Variants in EMSY observed in about 807,000 individuals in gnomAD.
EMSY encodes EMSY transcriptional repressor, BRCA2 interacting, also known as BRCA2-interacting transcriptional repressor EMSY.
Under a neutral mutation model 134.6 loss-of-function variants are expected in EMSY, and 26 were observed. That is an observed-to-expected ratio of 0.19 (90% CI 0.14 to 0.27). EMSY has a LOEUF of 0.27. EMSY is among the 10% of genes least tolerant of loss of function. The pLI, the probability that EMSY is intolerant of heterozygous loss-of-function variation, is 1.00. For missense variants in EMSY, 1,305 were observed against 1,611.4 expected (o/e 0.81, Z 3.26); for synonymous variants, 579 against 577.8 (o/e 1.00, Z -0.03).
intron 13 of EMSY, among the ~76,000 whole-genome samples, chr11:76,527,636 A>G (rs1175081201): frequency 3.9e-5 from 6 of 152,104 alleles, no homozygotes; most frequent in Non-Finnish European, 5.9e-5. Flanking sequence ...AACTTTTGCC[A>G]GGAGCTGATC....
intron 16 of EMSY, among the ~76,000 whole-genome samples, chr11:76,538,960 A>C (rs1417353963): frequency 6.6e-6 from 1 of 152,212 alleles, no homozygotes; most frequent in African/African-American, 2.4e-5. Context: ...TCTGTCTCAA[A>C]ATAAAAACAA....
chr11:76,449,934 G>A (rs1318441239), intron 2 of EMSY, among the ~76,000 whole-genome samples: 1 of 151,770 alleles, frequency 6.6e-6, no homozygotes, highest in Non-Finnish European at 1.5e-5. Flanking sequence ...GACTATCCAA[G>A]TACAGACATA....
intron 9 of EMSY, among the ~76,000 whole-genome samples, chr11:76,499,477 CG>C (rs1361292996): frequency 6.6e-6 from 1 of 151,198 alleles, no homozygotes; most frequent in African/African-American, 2.4e-5. Flanking sequence ...TTAGTAGAGA[CG>C]GGGTTTCACC....
At chr11:76,458,484 G>A in intron 5 of EMSY, 126 bp downstream of exon 6, 5 of 980,282 alleles carry the variant, frequency 5.1e-6, no homozygotes, top group Non-Finnish European at 4.1e-6. Flanking sequence ...AAACATAGTA[G>A]GAAACTCTAA....
chr11:76,512,734 A>C (rs1301582082), intron 9 of EMSY, among the ~76,000 whole-genome samples: 8 of 151,602 alleles, frequency 5.3e-5, no homozygotes, highest in African/African-American at 1.2e-4. Context: ...AAAAAAAAAA[A>C]AACCATAAAT....
At chr11:76,496,895 A>AT in intron 9 of EMSY, 1 of 297,872 alleles carries the variant, frequency 3.4e-6, no homozygotes, top group Non-Finnish European at 6.4e-6. Flanking sequence ...TTGGTGTTTT[A>AT]TTTTATTGTC....
chr11:76,452,362 G>A (rs1947704867), intron 3 of EMSY, among the ~76,000 whole-genome samples: 15 of 152,136 alleles, frequency 9.9e-5, no homozygotes, highest in Admixed American at 9.8e-4. Context: ...ACATAAATGG[G>A]TAGTGATTAT....
At chr11:76,546,387 A>C in intron 20 of EMSY, 90 bp downstream of exon 21, 2 of 1,468,012 alleles carry the variant, frequency 1.4e-6, no homozygotes, top group Admixed American at 2.2e-5. Context: ...AGGAAGAATC[A>C]AGCCAAGACA....
chr11:76,523,094 A>C (rs912155399), intron 11 of EMSY, 61 bp from the exon 13 acceptor site: 1 of 1,512,826 alleles, frequency 6.6e-7, no homozygotes, highest in South Asian at 1.3e-5. Flanking sequence ...TAATATAAAC[A>C]AAAATAACCA....
At chr11:76,448,165 G>C (rs1947499523) in intron 2 of EMSY, among the ~76,000 whole-genome samples, 1 of 152,176 alleles carries the variant, frequency 6.6e-6, no homozygotes, top group African/African-American at 2.4e-5. Flanking sequence ...ATCTTTGTTG[G>C]GAATTTTTCT....
intron 9 of EMSY, among the ~76,000 whole-genome samples, chr11:76,497,707 A>G (rs1949709476): frequency 6.6e-6 from 1 of 151,726 alleles, no homozygotes; most frequent in African/African-American, 2.4e-5. Context: ...TTCATTTCTG[A>G]TATTGGTGGT....
chr11:76,544,315 G>A (rs2136750896), exon 19 of EMSY: 1 of 1,614,140 alleles, frequency 6.2e-7, no homozygotes, highest in Non-Finnish European at 8.5e-7. Flanking sequence ...GAACTGAGGA[G>A]GGCGAGGTTG....
intron 3 of EMSY, among the ~76,000 whole-genome samples, chr11:76,452,292 G>A (rs986922757): frequency 6.6e-6 from 1 of 152,218 alleles, no homozygotes; most frequent in African/African-American, 2.4e-5. Context: ...AACTGGATGT[G>A]ATGATCTAGA....
intron 9 of EMSY, among the ~76,000 whole-genome samples, chr11:76,505,894 T>C (rs965068274): frequency 6.6e-6 from 1 of 151,446 alleles, no homozygotes; most frequent in Non-Finnish European, 1.5e-5. Context: ...CCGAGCACAG[T>C]GGCTCACACC....
At chr11:76,491,674 G>A (rs888285112) in intron 8 of EMSY, among the ~76,000 whole-genome samples, 2 of 152,334 alleles carry the variant, frequency 1.3e-5, no homozygotes, top group African/African-American at 4.8e-5. Flanking sequence ...CCTGCGCTAG[G>A]TAGCTCACAC....
intron 8 of EMSY, among the ~76,000 whole-genome samples, chr11:76,486,486 G>A (rs1257862884): frequency 1.3e-5 from 2 of 152,148 alleles, no homozygotes; most frequent in African/African-American, 4.8e-5. Flanking sequence ...TTAACATGAC[G>A]GATGCCGTAT....
exon 7 of EMSY, chr11:76,463,999 C>A: frequency 6.2e-7 from 1 of 1,614,222 alleles, no homozygotes; most frequent in Non-Finnish European, 8.5e-7. Context: ...GCATTGCCAA[C>A]TCCTTACCAC....
exon 19 of EMSY, chr11:76,544,733 C>T (rs773488626): frequency 6.2e-7 from 1 of 1,614,032 alleles, no homozygotes; most frequent in Non-Finnish European, 8.5e-7. Context: ...GCAGCAGGCT[C>T]CGAACCAACC....
At chr11:76,512,203 ACC>A (rs1950302041) in intron 9 of EMSY, among the ~76,000 whole-genome samples, 2 of 151,394 alleles carry the variant, frequency 1.3e-5, no homozygotes, top group Non-Finnish European at 3.0e-5. Flanking sequence ...TTCCTTAGCT[ACC>A]AATTTAAATT....
Sources: gnomAD v4.1 joint callset for allele counts (sites outside exome capture counted in the v4.1 genomes callset) on GRCh38, gnomAD v4.1.1 for gene constraint, MANE v1.5 for transcripts, NCBI Gene and HGNC (gene_info 2026-07-23, HGNC 2026-07-21) for gene names.